The following ZDHHC21 variants were observed in gnomAD, a reference collection of about 807,000 sequenced individuals.
ZDHHC21 encodes the protein zDHHC palmitoyltransferase 21.
Under a neutral mutation model 34.6 loss-of-function variants are expected in ZDHHC21, and 15 were observed. The ratio of observed to expected loss-of-function variants is 0.43; its 90% confidence interval spans 0.29 to 0.67. The LOEUF is 0.67. ZDHHC21 is among the 30% of genes least tolerant of loss of function. The pLI is 0.14. For synonymous variants in ZDHHC21, 142 were observed against 101.8 expected (o/e 1.40, Z -2.38); for missense variants, 344 against 327.7 (o/e 1.05, Z -0.38).
chr9:14,621,355 T>C (rs886986905), intron 8 of ZDHHC21, among the ~76,000 whole-genome samples: 4 of 152,108 alleles, frequency 2.6e-5, no homozygotes, highest in Admixed American at 2.6e-4. Context: ...TTACAACTTG[T>C]TTATAATCCT....
chr9:14,600,241 G>A, the ZDHHC21 span, among the ~76,000 whole-genome samples: 1 of 152,200 alleles, frequency 6.6e-6, no homozygotes, highest in Non-Finnish European at 1.5e-5. Flanking sequence ...TGACATGACT[G>A]TATATTTAGA....
chr9:14,671,676 CAT>C (rs200140793), intron 5 of ZDHHC21, among the ~76,000 whole-genome samples: 2,267 of 152,120 alleles, frequency 0.015, 33 homozygotes, highest in African/African-American at 0.035. Flanking sequence ...GACAAAACCA[CAT>C]GTCGAACATT....
At chr9:14,680,252 C>T (rs1474874512) in intron 2 of ZDHHC21, 90 bp from the exon 3 acceptor site, 2 of 152,248 alleles carry the variant, frequency 1.3e-5, no homozygotes, top group South Asian at 2.1e-4. Context: ...CAATGACAAA[C>T]GTCTTAAATT....
chr9:14,667,126 G>C, intron 5 of ZDHHC21, among the ~76,000 whole-genome samples: 2 of 122,800 alleles, frequency 1.6e-5, no homozygotes, highest in African/African-American at 6.0e-5. Flanking sequence ...GAAAAAAAGA[G>C]AGAAGAATCA....
chr9:14,595,728 A>G, the ZDHHC21 span, among the ~76,000 whole-genome samples: 1 of 152,240 alleles, frequency 6.6e-6, no homozygotes, highest in East Asian at 1.9e-4. Context: ...AAAAATGGTC[A>G]AAAGATTTGA....
At chr9:14,650,918 A>T (rs988062402) in intron 7 of ZDHHC21, among the ~76,000 whole-genome samples, 10 of 151,900 alleles carry the variant, frequency 6.6e-5, no homozygotes, top group African/African-American at 2.4e-4. Context: ...CGCAGTTAGT[A>T]TGCTTTTCCC....
intron 8 of ZDHHC21, among the ~76,000 whole-genome samples, chr9:14,632,083 ACACACACT>A (rs1827460282): frequency 1.3e-5 from 2 of 151,782 alleles, no homozygotes; most frequent in African/African-American, 4.8e-5. Flanking sequence ...ACACACACAC[ACACACACT>A]ATCTACAAAG....
At chr9:14,673,399 A>T (rs1412263833) in intron 4 of ZDHHC21, among the ~76,000 whole-genome samples, 1 of 152,010 alleles carries the variant, frequency 6.6e-6, no homozygotes, top group Non-Finnish European at 1.5e-5. Context: ...TAGTTTGATA[A>T]TTAAGACTTA....
chr9:14,674,035 T>C, intron 4 of ZDHHC21, 152 bp downstream of exon 4: 1 of 438,156 alleles, frequency 2.3e-6, no homozygotes, highest in Non-Finnish European at 3.9e-6. Flanking sequence ...ATTATTTCCA[T>C]AAGTTCATAA....
intron 6 of ZDHHC21, among the ~76,000 whole-genome samples, chr9:14,661,562 T>A (rs1482639319): frequency 6.6e-6 from 1 of 152,200 alleles, no homozygotes; most frequent in Non-Finnish European, 1.5e-5. Context: ...TGTGACAGCT[T>A]TAAAATGAGA....
In ZDHHC21 at chr9:14,687,987, A is replaced by G. The variant is rs137860943; in HGVS notation, c.-176+2350T>C. On this transcript the variant is annotated intron_variant, in intron 2 of 9. Transcript: ENST00000380916. ...TTTATAAAACTTTTTGACTTCTGAT[A>G]TCATTCTACTCTGAAAATTAGTCAA... Among the ~76,000 whole-genome samples, 1,507 of 151,018 alleles carry G rather than the reference A, an allele frequency of 1.0e-2. 133 individuals carry two copies. The highest frequency in any genetic ancestry group is 0.034 in the African/African-American group (1,384 of 40,268).
At position 14,687,679 on chromosome 9, in the gene ZDHHC21, TCAAAA is replaced by T. The variant is rs145103704; in HGVS notation, c.-176+2653_-176+2657del. Among the ~76,000 whole-genome samples, 996 of 150,756 alleles carry T rather than the reference TCAAAA, an allele frequency of 6.6e-3. 102 individuals carry two copies. Among genetic ancestry groups the T allele is most frequent in the African/African-American group, 0.024 (945 of 40,144 alleles). On this transcript the variant is annotated intron_variant, in intron 2 of 9. Transcript: ENST00000380916. ...CTGGGTGCCAGAGTAAGGCCCTGTC[TCAAAA>T]CAAAACAAAACAAAAGTAACGTTGG...
intron 1 of ZDHHC21, among the ~76,000 whole-genome samples, chr9:14,691,587 T>C (rs1035560260): frequency 2.6e-5 from 4 of 152,216 alleles, no homozygotes; most frequent in Non-Finnish European, 5.9e-5. Flanking sequence ...AATGCTTAGA[T>C]TTCTCTTATT....
chr9:14,611,489 G>A lies in ZDHHC21; in HGVS notation c.*7477C>T, dbSNP rs1290559378. The A allele has an allele frequency of 1.3e-5, 2 of 151,900 alleles. No homozygotes were observed. The highest frequency in any genetic ancestry group is 2.4e-5 in the African/African-American group (1 of 41,384). The allele number at this position is 151,900 out of a possible 1,614,324, so 9.4% of individuals were successfully genotyped here. On this transcript the variant is annotated 3_prime_UTR_variant, in exon 10 of 10. Transcript: ENST00000380916. ...AGGTAAAAATAATAGACAATGCAAGGAAAACAGCACTCAGATCTATACATA... is the reference window on the plus strand; with the variant it reads ...AGGTAAAAATAATAGACAATGCAAGAAAAACAGCACTCAGATCTATACATA...
chr9:14,613,486 C>T lies in ZDHHC21; in HGVS notation c.*5480G>A, dbSNP rs979089532. 6.6e-6 allele frequency: 1 copy of T among 151,742 alleles called. No homozygotes were observed. Among genetic ancestry groups the T allele is most frequent in the African/African-American group, 2.4e-5 (1 of 41,384 alleles). The allele number at this position is 151,742 out of a possible 1,614,324, so 9.4% of individuals were successfully genotyped here. A position where few individuals can be genotyped will look rare whatever the true frequency, so the allele number is the denominator to read the frequency against. The stretch of plus-strand genomic sequence containing the variant: ...GGTAAGCTTTCCCTTTAGTTAACAG[C>T]CTGCAAACAATTAAACCCTGTATTT... On this transcript the variant is annotated 3_prime_UTR_variant, in exon 10 of 10. Coordinates refer to ENST00000380916, the MANE Select transcript of ZDHHC21 (RefSeq NM_178566.6).
At chr9:14,664,121 C>T (rs1833920052) in intron 5 of ZDHHC21, among the ~76,000 whole-genome samples, 1 of 152,248 alleles carries the variant, frequency 6.6e-6, no homozygotes, top group South Asian at 2.1e-4. Context: ...CTAGGGAGTG[C>T]CAGACAGTGG....
intron 1 of ZDHHC21, among the ~76,000 whole-genome samples, chr9:14,691,833 C>A (rs1022992454): frequency 6.6e-6 from 1 of 152,110 alleles, no homozygotes; most frequent in Admixed American, 6.5e-5. Flanking sequence ...ACTAATACTT[C>A]GTATATGTTT....
the ZDHHC21 span, among the ~76,000 whole-genome samples, chr9:14,599,071 G>A: frequency 3.9e-5 from 6 of 152,146 alleles, no homozygotes; most frequent in Non-Finnish European, 8.8e-5. Context: ...CCCTGAGTGT[G>A]AAATTTAACG....
chr9:14,649,371 G>A (rs1830821977), intron 7 of ZDHHC21, among the ~76,000 whole-genome samples: 2 of 151,962 alleles, frequency 1.3e-5, no homozygotes, highest in Non-Finnish European at 2.9e-5. Context: ...ACATGCTGAG[G>A]GTAGGTTCAT....
Sources: gnomAD v4.1 joint callset for allele counts (sites outside exome capture counted in the v4.1 genomes callset) on GRCh38, gnomAD v4.1.1 for gene constraint, MANE v1.5 for transcripts, NCBI Gene and HGNC (gene_info 2026-07-23, HGNC 2026-07-21) for gene names.